Variants in NCKAP5 observed in about 807,000 individuals in gnomAD.
NCKAP5 encodes NCK associated protein 5, also known as nck-associated protein 5.
A neutral mutation model predicts 167.0 loss-of-function variants in NCKAP5; 92 were observed. The observed-to-expected ratio is 0.55, with a 90% CI of 0.47 to 0.66. The LOEUF (loss-of-function observed/expected upper bound fraction) is 0.66. Ranked by LOEUF, NCKAP5 falls within the 30% of genes least tolerant of loss-of-function variation. The pLI, the probability that NCKAP5 is intolerant of heterozygous loss-of-function variation, is 0.00. For missense variants in NCKAP5, 2,378 were observed against 2,315.0 expected (o/e 1.03, Z -0.56); for synonymous variants, 891 against 877.4 (o/e 1.02, Z -0.27).
intron 4 of NCKAP5, among the ~76,000 whole-genome samples, chr2:133,244,003 G>T (rs1021809962): frequency 6.6e-6 from 1 of 152,152 alleles, no homozygotes; most frequent in African/African-American, 2.4e-5. Context: ...TAGGAAAATG[G>T]TAGACAAGCT....
chr2:133,474,626 A>T (rs1679713117), intron 3 of NCKAP5, among the ~76,000 whole-genome samples: 1 of 152,202 alleles, frequency 6.6e-6, no homozygotes, highest in African/African-American at 2.4e-5. Flanking sequence ...ACAATGTTAC[A>T]TATATAAAAA....
chr2:133,427,155 CAAAT>C (rs1689864128), intron 3 of NCKAP5, among the ~76,000 whole-genome samples: 1 of 152,024 alleles, frequency 6.6e-6, no homozygotes, highest in Non-Finnish European at 1.5e-5. Flanking sequence ...TTTGAAAAGA[CAAAT>C]AAAACAGGTA....
At chr2:133,356,216 C>G (rs1246861852) in intron 3 of NCKAP5, among the ~76,000 whole-genome samples, 7 of 152,156 alleles carry the variant, frequency 4.6e-5, no homozygotes, top group Admixed American at 4.6e-4. Flanking sequence ...CATGAGCCAC[C>G]TCGCCCAACT....
chr2:133,179,181 G>T lies in NCKAP5; in HGVS notation c.207+34535C>A, dbSNP rs558308852. Reference sequence around the variant, plus strand: ...AAGCAAAAAGTAACAAAAATAACAGGTTGAGTATACCTTATTTAAAAGGCT... The same window carrying T: ...AAGCAAAAAGTAACAAAAATAACAGTTTGAGTATACCTTATTTAAAAGGCT... On this transcript the variant is annotated intron_variant, in intron 5 of 19. Transcript: ENST00000409261. 1.3e-4 allele frequency among the ~76,000 whole-genome samples: 20 copies of T among 149,732 alleles called. No individual in the cohort carries two copies. The South Asian group carries it at 4.0e-3, about 30-fold the overall frequency.
chr2:132,996,583 T>C (rs2077607381), intron 6 of NCKAP5, among the ~76,000 whole-genome samples: 1 of 152,198 alleles, frequency 6.6e-6, no homozygotes, highest in African/African-American at 2.4e-5. Flanking sequence ...CTTCAAACCA[T>C]TTACTCTATC....
At chr2:133,263,093 C>T (rs181198627) in intron 4 of NCKAP5, among the ~76,000 whole-genome samples, 8 of 152,248 alleles carry the variant, frequency 5.3e-5, no homozygotes, top group East Asian at 1.9e-4. Flanking sequence ...AGGGCTCACC[C>T]GCCCCACTAT....
chr2:133,119,630 A>G (rs1441939219), intron 6 of NCKAP5, among the ~76,000 whole-genome samples: 1 of 152,186 alleles, frequency 6.6e-6, no homozygotes, highest in African/African-American at 2.4e-5. Flanking sequence ...GTATTAAAAT[A>G]TCACTTGCAC....
At chr2:133,352,617 T>C (rs1013524225) in intron 3 of NCKAP5, among the ~76,000 whole-genome samples, 2 of 152,066 alleles carry the variant, frequency 1.3e-5, no homozygotes, top group Non-Finnish European at 2.9e-5. Context: ...TTAGACTTGC[T>C]GAGTGGCTGA....
chr2:133,429,097 A>T (rs1689993727), intron 3 of NCKAP5, among the ~76,000 whole-genome samples: 1 of 152,174 alleles, frequency 6.6e-6, no homozygotes, highest in South Asian at 2.1e-4. Context: ...CACTGGAAAG[A>T]TTCTGAATAA....
intron 11 of NCKAP5, among the ~76,000 whole-genome samples, chr2:132,829,980 C>T (rs752492687): frequency 1.3e-5 from 2 of 152,100 alleles, no homozygotes; most frequent in African/African-American, 4.8e-5. Context: ...TTCCAGATTT[C>T]GTCTAGTGAT....
intron 16 of NCKAP5, among the ~76,000 whole-genome samples, chr2:132,745,264 G>T (rs1278927904): frequency 2.6e-5 from 4 of 151,646 alleles, no homozygotes; most frequent in Admixed American, 1.3e-4. Flanking sequence ...TCACCAAGTG[G>T]CATTTACCCA....
At chr2:133,561,376 A>G (rs1412735220) in intron 1 of NCKAP5, among the ~76,000 whole-genome samples, 5 of 152,250 alleles carry the variant, frequency 3.3e-5, no homozygotes, top group Non-Finnish European at 5.9e-5. Flanking sequence ...GGCTCAAAGA[A>G]TAAGTGGGGA....
intron 4 of NCKAP5, among the ~76,000 whole-genome samples, chr2:133,235,829 G>A (rs540456065): frequency 2.6e-5 from 4 of 151,686 alleles, no homozygotes; most frequent in Non-Finnish European, 4.4e-5. Flanking sequence ...ACTTGGACCC[G>A]GGAGGCAGAT....
intron 8 of NCKAP5, among the ~76,000 whole-genome samples, chr2:132,951,504 C>T (rs747062150): frequency 3.3e-5 from 5 of 152,168 alleles, no homozygotes; most frequent in African/African-American, 4.8e-5. Flanking sequence ...GGTCACACTG[C>T]TTTGGTTATA....
chr2:133,527,311 T>G lies in NCKAP5; in HGVS notation c.-61-9724A>C, dbSNP rs148612455. 9 of 152,328 alleles carry G rather than the reference T, an allele frequency of 5.9e-5. No individual in the cohort carries two copies. The East Asian group carries it at 1.7e-3, about 29-fold the overall frequency. 9.4% of individuals were successfully genotyped at this position (152,328 alleles called of 1,614,324 possible). On this transcript the variant is annotated intron_variant, in intron 2 of 19. Transcript: ENST00000409261. ...AATTCATTATTCTCCATTGAATGTC[T>G]TTGTGCACAAGTGAAACACCAAAAT...
intron 4 of NCKAP5, among the ~76,000 whole-genome samples, chr2:133,233,652 T>C (rs1011167695): frequency 3.3e-5 from 5 of 152,170 alleles, no homozygotes; most frequent in Non-Finnish European, 5.9e-5. Flanking sequence ...ATGTTGACAA[T>C]TTGCTAGAGT....
At chr2:133,029,632 T>C (rs929668354) in intron 6 of NCKAP5, among the ~76,000 whole-genome samples, 2 of 152,242 alleles carry the variant, frequency 1.3e-5, no homozygotes, top group African/African-American at 4.8e-5. Context: ...CCTGAAAATC[T>C]ATTACATGGA....
the NCKAP5 span, among the ~76,000 whole-genome samples, chr2:133,614,316 TGA>T: frequency 0.24 from 36,147 of 151,956 alleles, 4,500 homozygotes; most frequent in East Asian, 0.32. Context: ...TTTGACAAGC[TGA>T]GAGAAGAAGG....
chr2:133,288,957 C>T (rs1355082586), intron 4 of NCKAP5, among the ~76,000 whole-genome samples: 1 of 152,186 alleles, frequency 6.6e-6, no homozygotes, highest in East Asian at 1.9e-4. Context: ...GAAGTCATTT[C>T]TTCCAAACCA....
Sources: allele counts gnomAD v4.1 joint callset (sites outside exome capture counted in the v4.1 genomes callset), GRCh38; gene constraint gnomAD v4.1.1; transcripts MANE v1.5; gene names NCBI Gene and HGNC (gene_info 2026-07-23, HGNC 2026-07-21).